Variants in SLC26A8 observed in about 807,000 individuals in gnomAD.
SLC26A8 encodes the protein testis anion transporter 1.
Under a neutral mutation model 105.0 loss-of-function variants are expected in SLC26A8, and 70 were observed. That is an observed-to-expected ratio of 0.67 (90% CI 0.55 to 0.81). The LOEUF (loss-of-function observed/expected upper bound fraction) is 0.81. Ranked by LOEUF, SLC26A8 falls within the 40% of genes least tolerant of loss-of-function variation. The pLI is 0.00. For synonymous variants in SLC26A8, 415 were observed against 438.3 expected (o/e 0.95, Z 0.66); for missense variants, 998 against 1,181.8 (o/e 0.84, Z 2.28).
In SLC26A8 at chr6:36,019,647, A is replaced by C. The variant is rs184824016; in HGVS notation, c.61T>G (p.Phe21Val). ...GFSSKSRRNS[F>V]AYDVKREVYN... ...ACTTCACGCTTAACATCATATGCGA[A>C]TGAGTTTCGCCTGGACTTAGAGCTG... is the stretch of plus-strand genomic sequence containing the variant. The change falls in exon 2 of 20, where the codon TTC becomes GTC. Residue 21 changes from phenylalanine to valine, a missense_variant. Physicochemically the swap from Phe to Val is conservative, Grantham distance 50. Transcript: ENST00000490799. 6.2e-7 allele frequency: 1 copy of C among 1,614,178 alleles called. No individual in the cohort carries two copies. The highest frequency in any genetic ancestry group is 1.3e-5 in the African/African-American group (1 of 75,054).
chr6:35,976,627 G>A (rs1476496933), intron 9 of SLC26A8, among the ~76,000 whole-genome samples: 11 of 143,334 alleles, frequency 7.7e-5, no homozygotes, highest in Admixed American at 3.6e-4. Flanking sequence ...TGCAAGTTCC[G>A]CCTCCCGGGT....
chr6:35,975,073 T>G (rs1448271503), intron 10 of SLC26A8, among the ~76,000 whole-genome samples: 1 of 152,154 alleles, frequency 6.6e-6, no homozygotes, highest in East Asian at 1.9e-4. Context: ...ACCTAAAATA[T>G]TCTTATCCTT....
chr6:36,008,159 G>A (rs1187346394), intron 3 of SLC26A8, among the ~76,000 whole-genome samples: 3 of 151,634 alleles, frequency 2.0e-5, no homozygotes, highest in Admixed American at 6.6e-5. Context: ...GCCGGGCATG[G>A]TGGCTCATGC....
intron 7 of SLC26A8, chr6:35,989,530 T>G (rs1478634136): frequency 6.6e-6 from 1 of 152,198 alleles, no homozygotes; most frequent in Non-Finnish European, 1.5e-5. Context: ...CTCTCTCTAC[T>G]TTGTAGAGGT....
chr6:36,006,176 G>T (rs1300745598), intron 3 of SLC26A8, among the ~76,000 whole-genome samples: 1 of 150,134 alleles, frequency 6.7e-6, no homozygotes, highest in Non-Finnish European at 1.5e-5. Flanking sequence ...CTGGAATGCA[G>T]TGGTGTGATC....
chr6:35,943,906 A>T lies in SLC26A8; in HGVS notation c.2907T>A (p.Asp969Glu). 3.1e-6 allele frequency: 5 copies of T among 1,613,104 alleles called. No individual in the cohort carries two copies. Among genetic ancestry groups the T allele is most frequent in the Non-Finnish European group, 4.2e-6 (5 of 1,179,198 alleles). Residue 969 changes from aspartate (D) to glutamate (E), a missense_variant, in exon 20 of 20, where the codon GAT becomes GAA. Coordinates refer to ENST00000490799, the MANE Select transcript of SLC26A8 (RefSeq NM_052961.4). The part of the protein sequence containing the change: ...SYSPEGNSNE[D>E]V ...CTTATTTCTAGTTCATCTCCTAGAC[A>T]TCTTCATTGCTGTTGCCCTCTGGTG... is the stretch of plus-strand genomic sequence containing the variant.
intron 8 of SLC26A8, among the ~76,000 whole-genome samples, chr6:35,980,517 G>A (rs1773226763): frequency 6.6e-6 from 1 of 152,180 alleles, no homozygotes; most frequent in African/African-American, 2.4e-5. Flanking sequence ...TATGTAAAGT[G>A]TCAATCCCAC....
chr6:35,998,590 G>T (rs1761429170), intron 4 of SLC26A8, among the ~76,000 whole-genome samples: 2 of 151,318 alleles, frequency 1.3e-5, no homozygotes, highest in Non-Finnish European at 2.9e-5. Flanking sequence ...AAAAGATAAT[G>T]AAGCAATCAA....
chr6:35,985,427 G>A (rs1308186272), intron 7 of SLC26A8, among the ~76,000 whole-genome samples: 4 of 152,044 alleles, frequency 2.6e-5, no homozygotes, highest in Non-Finnish European at 5.9e-5. Context: ...GGGCATGGTG[G>A]CTCATGCCTG....
intron 3 of SLC26A8, among the ~76,000 whole-genome samples, chr6:36,011,515 C>T (rs886296105): frequency 1.6e-4 from 24 of 152,336 alleles, no homozygotes; most frequent in African/African-American, 5.8e-4. Flanking sequence ...TGTTGTCTTA[C>T]ATCTGAACTG....
chr6:35,990,485 G>C (rs572884880), intron 7 of SLC26A8: 7 of 154,816 alleles, frequency 4.5e-5, no homozygotes, highest in African/African-American at 1.7e-4. Context: ...ACATGAGATT[G>C]CTTGTGCCTC....
intron 8 of SLC26A8, among the ~76,000 whole-genome samples, chr6:35,978,136 A>T (rs1343774722): frequency 6.8e-6 from 1 of 147,910 alleles, no homozygotes; most frequent in Non-Finnish European, 1.5e-5. Flanking sequence ...AGACATAGAC[A>T]GCACAAGAAG....
chr6:35,978,523 A>G (rs1207891733), intron 8 of SLC26A8, among the ~76,000 whole-genome samples: 1 of 152,106 alleles, frequency 6.6e-6, no homozygotes, highest in Admixed American at 6.6e-5. Flanking sequence ...CATTCTTTTG[A>G]TTATCTTTAA....
At chr6:35,951,012 AT>A in intron 19 of SLC26A8, 150 bp downstream of exon 19, 1 of 774,660 alleles carries the variant, frequency 1.3e-6, no homozygotes, top group Non-Finnish European at 2.0e-6. Flanking sequence ...AACATCCCAG[AT>A]TCTGGTACAG....
At chr6:35,970,255 T>C (rs1252439489) in intron 10 of SLC26A8, among the ~76,000 whole-genome samples, 3 of 152,124 alleles carry the variant, frequency 2.0e-5, no homozygotes, top group Non-Finnish European at 2.9e-5. Flanking sequence ...AAACACACCT[T>C]CCCACTGGGT....
At chr6:36,015,524 G>A (rs1296750653) in intron 2 of SLC26A8, among the ~76,000 whole-genome samples, 2 of 152,182 alleles carry the variant, frequency 1.3e-5, no homozygotes, top group African/African-American at 4.8e-5. Context: ...GCTTATGGGA[G>A]GCAGAATGGG....
chr6:35,984,538 G>T (rs1449798188), intron 7 of SLC26A8, among the ~76,000 whole-genome samples: 3 of 151,796 alleles, frequency 2.0e-5, no homozygotes, highest in African/African-American at 7.3e-5. Context: ...TGGCTAGGCT[G>T]GTCTCAAACT....
intron 9 of SLC26A8, 53 bp downstream of exon 9, chr6:35,977,150 GC>G (rs1350543619): frequency 9.6e-6 from 15 of 1,554,412 alleles, no homozygotes; most frequent in African/African-American, 1.4e-5. Flanking sequence ...TTGGCAGGAG[GC>G]TTTGATTAAA....
At chr6:35,956,266 C>A (rs778813753) in intron 16 of SLC26A8, among the ~76,000 whole-genome samples, 1 of 150,582 alleles carries the variant, frequency 6.6e-6, no homozygotes, top group Non-Finnish European at 1.5e-5. Context: ...CCCTGTCGTG[C>A]CCCCCTGCCC....
Sources: gnomAD v4.1 joint callset for allele counts (sites outside exome capture counted in the v4.1 genomes callset) on GRCh38, gnomAD v4.1.1 for gene constraint, MANE v1.5 for transcripts, NCBI Gene and HGNC (gene_info 2026-07-23, HGNC 2026-07-21) for gene names.